OPRM1: variants seen among roughly 807,000 people sequenced by gnomAD.
The protein encoded by OPRM1 is opioid receptor mu 1.
In OPRM1, 27 loss-of-function variants were observed where a neutral mutation model predicts 31.8. The ratio of observed to expected loss-of-function variants is 0.85; its 90% CI spans 0.63 to 1.17. The LOEUF (loss-of-function observed/expected upper bound fraction) is 1.17, where lower values mean the gene tolerates loss of function less well. Ranked by LOEUF, OPRM1 falls within the 50% of genes most tolerant of loss-of-function variation. The pLI, the probability that OPRM1 is intolerant of heterozygous loss-of-function variation, is 0.00. For missense variants in OPRM1, 536 were observed against 511.1 expected, an observed-to-expected ratio of 1.05 and a Z score of -0.47; for synonymous variants, 196 against 189.9, an observed-to-expected ratio of 1.03 and a Z score of -0.26.
intron 3 of OPRM1, chr6:154,159,992 T>G: frequency 6.2e-7 from 1 of 1,612,760 alleles, no homozygotes; most frequent in Non-Finnish European, 8.5e-7. Flanking sequence ...GCTGTCAGCT[T>G]CGGGTCATCC....
chr6:154,068,040 A>G (rs1015036386), intron 1 of OPRM1, among the ~76,000 whole-genome samples: 1 of 151,976 alleles, frequency 6.6e-6, no homozygotes, highest in Non-Finnish European at 1.5e-5. Flanking sequence ...TTTCCTTTCA[A>G]CCTGCAAGAC....
chr6:154,023,721 C>T (rs1242066296), intron 1 of OPRM1, among the ~76,000 whole-genome samples: 1 of 152,106 alleles, frequency 6.6e-6, no homozygotes, highest in South Asian at 2.1e-4. Context: ...AGGTATGTTC[C>T]TTCTAGCCCC....
At chr6:154,203,408 GT>G (rs1687193659) in intron 3 of OPRM1, among the ~76,000 whole-genome samples, 1 of 152,190 alleles carries the variant, frequency 6.6e-6, no homozygotes, top group South Asian at 2.1e-4. Flanking sequence ...CCCTTGAACA[GT>G]AGGGATTCAA....
In OPRM1 at chr6:154,152,330, AGAAAGAAAGAAAGAAAG is replaced by A. The variant is rs1197674823; in HGVS notation, c.1164+60876_1164+60892del. Among the ~76,000 whole-genome samples, 176 of 44,900 alleles carry A rather than the reference AGAAAGAAAGAAAGAAAG, an allele frequency of 3.9e-3. 1 individual carries two copies. Among genetic ancestry groups the A allele is most frequent in the African/African-American group, 0.018 (155 of 8,578 alleles). 29.5% of individuals were successfully genotyped at this position (44,900 alleles called of 152,430 possible). A position where few individuals can be genotyped will look rare whatever the true frequency, so the allele number is the denominator to read the frequency against. Reference sequence around the variant, plus strand: ...AAGAAAGAAAGAAAGAAAGAAAGAAAGAAAGAAAGAAAGAAAGGAAAGAAAGAAAGAAAGAAAGAAAG... The same window carrying A: ...AAGAAAGAAAGAAAGAAAGAAAGAAAGAAAGAAAGAAAGAAAGAAAGAAAG... On this transcript the variant is annotated intron_variant, in intron 3 of 3. Coordinates refer to the OPRM1 transcript ENST00000337049.
chr6:154,244,939 C>T (rs576731198), intron 3 of OPRM1, among the ~76,000 whole-genome samples: 1 of 152,298 alleles, frequency 6.6e-6, no homozygotes, highest in South Asian at 2.1e-4. Context: ...AGTAGGTTCT[C>T]TCATGTTATA....
chr6:154,160,132 A>G, intron 3 of OPRM1: 1 of 945,968 alleles, frequency 1.1e-6, no homozygotes, highest in Non-Finnish European at 1.6e-6. Flanking sequence ...AAGTACACAT[A>G]TACATAAAAT....
chr6:154,034,566 A>C (rs1434837146), upstream of OPRM1, among the ~76,000 whole-genome samples: 1 of 151,994 alleles, frequency 6.6e-6, no homozygotes, highest in Non-Finnish European at 1.5e-5. Context: ...TAAATAAATA[A>C]AATAAAATAT....
At chr6:154,169,369 A>C (rs760028434) in intron 3 of OPRM1, among the ~76,000 whole-genome samples, 7 of 152,128 alleles carry the variant, frequency 4.6e-5, no homozygotes, top group Non-Finnish European at 7.4e-5. Flanking sequence ...ACACACACAC[A>C]CACAAAATAT....
In OPRM1 at chr6:154,241,774, T is replaced by G. The variant is rs367686332; in HGVS notation, c.1165-4919T>G. On this transcript the variant is annotated intron_variant, in intron 3 of 3. Transcript: ENST00000337049. ...TGCTGCTAGGTTCATATTTTTCGCA[T>G]GCCAATTTCACGAGCTCACCTTCCG... 2.6e-5 allele frequency among the ~76,000 whole-genome samples: 4 copies of G among 152,284 alleles called. No homozygotes were observed. The East Asian group carries it at 7.7e-4, about 29-fold the overall frequency.
chr6:154,166,374 CCT>C (rs1799433002), intron 3 of OPRM1, among the ~76,000 whole-genome samples: 1 of 152,218 alleles, frequency 6.6e-6, no homozygotes, highest in Non-Finnish European at 1.5e-5. Context: ...CAGCCTTTCT[CCT>C]TCTACTAATG....
intron 1 of OPRM1, among the ~76,000 whole-genome samples, chr6:154,016,284 AAT>A (rs1333598535): frequency 6.6e-6 from 1 of 152,190 alleles, no homozygotes; most frequent in African/African-American, 2.4e-5. Context: ...AAAGCAGTGA[AAT>A]ATGTCTCTGC....
Position 154,243,013 on chromosome 6 carries a change from G to A in OPRM1, c.1165-3680G>A, listed in dbSNP as rs530219348. 2.0e-5 allele frequency among the ~76,000 whole-genome samples: 3 copies of A among 152,290 alleles called. No individual in the cohort carries two copies. In the East Asian group the frequency reaches 5.8e-4, roughly 29 times the overall value. On this transcript the variant is annotated intron_variant, in intron 3 of 3. Coordinates refer to the OPRM1 transcript ENST00000337049. ...AAGCTAAAATTTGACCTATAAGGAGGGATAAGTTTGATGGAATTGGATAGG... is the reference window on the plus strand; with the variant it reads ...AAGCTAAAATTTGACCTATAAGGAGAGATAAGTTTGATGGAATTGGATAGG...
At chr6:154,148,299 T>C (rs1438512864) in intron 3 of OPRM1, among the ~76,000 whole-genome samples, 1 of 152,236 alleles carries the variant, frequency 6.6e-6, no homozygotes, top group Non-Finnish European at 1.5e-5. Flanking sequence ...TTTTCCCAGA[T>C]GGAAGGGGTC....
At chr6:154,225,832 A>G (rs949578181) in intron 3 of OPRM1, among the ~76,000 whole-genome samples, 6 of 152,238 alleles carry the variant, frequency 3.9e-5, no homozygotes, top group Admixed American at 2.0e-4. Context: ...ACTTAGACTC[A>G]GCATTTGTTT....
At chr6:154,186,396 C>T (rs1801347074) in intron 3 of OPRM1, among the ~76,000 whole-genome samples, 1 of 152,192 alleles carries the variant, frequency 6.6e-6, no homozygotes, top group Admixed American at 6.5e-5. Context: ...TTAAAATATA[C>T]ACAGCATCTG....
chr6:154,066,682 G>A (rs1785482677), intron 1 of OPRM1, among the ~76,000 whole-genome samples: 2 of 152,046 alleles, frequency 1.3e-5, no homozygotes, highest in Non-Finnish European at 2.9e-5. Context: ...TTGAGAGAGA[G>A]AGAGAGATCT....
chr6:154,101,057 C>A (rs1246471164), intron 3 of OPRM1, among the ~76,000 whole-genome samples: 1 of 151,326 alleles, frequency 6.6e-6, no homozygotes, highest in Non-Finnish European at 1.5e-5. Context: ...AATAGAAAAG[C>A]AAATCCTATG....
intron 1 of OPRM1, among the ~76,000 whole-genome samples, chr6:154,024,210 T>C (rs1053965287): frequency 6.6e-6 from 1 of 152,040 alleles, no homozygotes; most frequent in Non-Finnish European, 1.5e-5. Flanking sequence ...CTGGCTTCTG[T>C]CTCATTACCT....
At chr6:154,019,405 AC>A (rs913793931) in intron 1 of OPRM1, among the ~76,000 whole-genome samples, 1 of 151,872 alleles carries the variant, frequency 6.6e-6, no homozygotes, top group African/African-American at 2.4e-5. Flanking sequence ...TATTATTATC[AC>A]CCAAAGTCCA....
Sources: allele counts gnomAD v4.1 joint callset (sites outside exome capture counted in the v4.1 genomes callset), GRCh38; gene constraint gnomAD v4.1.1; transcripts MANE v1.5; gene names NCBI Gene and HGNC (gene_info 2026-07-23, HGNC 2026-07-21).